HDAC9: variants seen among roughly 807,000 people sequenced by gnomAD.
The protein encoded by HDAC9 is histone deacetylase 9.
A neutral mutation model predicts 139.4 loss-of-function variants in HDAC9; 41 were observed. The ratio of observed to expected loss-of-function variants is 0.29; its 90% CI spans 0.23 to 0.38. HDAC9 has a LOEUF of 0.38. HDAC9 is among the 10% of genes least tolerant of loss of function. HDAC9 has a pLI of 1.00. For synonymous variants in HDAC9, 517 were observed against 476.2 expected (o/e 1.09, Z -1.12); for missense variants, 1,147 against 1,297.0 (o/e 0.88, Z 1.78).
intron 1 of HDAC9, among the ~76,000 whole-genome samples, chr7:18,411,271 G>A (rs1009653983): frequency 6.6e-6 from 1 of 152,140 alleles, no homozygotes; most frequent in African/African-American, 2.4e-5. Flanking sequence ...TGACTTTACG[G>A]TGGTACAAAA....
chr7:18,835,355 C>A, intron 19 of HDAC9, 112 bp from the exon 20 acceptor site: 1 of 1,177,130 alleles, frequency 8.5e-7, no homozygotes, highest in Non-Finnish European at 1.2e-6. Flanking sequence ...AGTGAGAAGA[C>A]AGAAAATGAG....
intron 2 of HDAC9, among the ~76,000 whole-genome samples, chr7:18,206,084 A>C (rs536891374): frequency 1.2e-4 from 18 of 152,256 alleles, no homozygotes; most frequent in African/African-American, 3.6e-4. Context: ...CCAATGAAAA[A>C]TTTGTGTGCC....
At chr7:18,645,491 T>G (rs997349403) in intron 9 of HDAC9, among the ~76,000 whole-genome samples, 4 of 152,166 alleles carry the variant, frequency 2.6e-5, no homozygotes, top group African/African-American at 9.6e-5. Context: ...CTGGACTCTT[T>G]GCCTTAAAAT....
intron 14 of HDAC9, among the ~76,000 whole-genome samples, chr7:18,755,302 C>G (rs975373773): frequency 6.6e-6 from 1 of 152,090 alleles, no homozygotes; most frequent in African/African-American, 2.4e-5. Flanking sequence ...TTAACAATGT[C>G]TGCTAAACAG....
At chr7:18,233,757 T>C (rs1793632229) in intron 2 of HDAC9, among the ~76,000 whole-genome samples, 2 of 152,268 alleles carry the variant, frequency 1.3e-5, no homozygotes, top group Non-Finnish European at 2.9e-5. Context: ...GATTTCAATT[T>C]GCATACCTGT....
At chr7:18,920,400 C>G (rs947343545) in intron 22 of HDAC9, among the ~76,000 whole-genome samples, 36 of 152,152 alleles carry the variant, frequency 2.4e-4, no homozygotes, top group African/African-American at 6.7e-4. Flanking sequence ...TGGGCTGAGA[C>G]AATGGGGTTT....
intron 2 of HDAC9, among the ~76,000 whole-genome samples, chr7:18,565,003 ATTT>A (rs1821841049): frequency 8.8e-5 from 11 of 124,500 alleles, no homozygotes; most frequent in Non-Finnish European, 1.7e-5. Context: ...TTATTTATTT[ATTT>A]ATTATTTTGA....
chr7:18,143,615 G>A (rs557868377), intron 1 of HDAC9, among the ~76,000 whole-genome samples: 2 of 152,060 alleles, frequency 1.3e-5, no homozygotes, highest in East Asian at 1.9e-4. Flanking sequence ...GTGAAACCTC[G>A]TATCTACTAA....
At chr7:18,634,825 C>T in intron 8 of HDAC9, 83 bp downstream of exon 8, 1 of 779,994 alleles carries the variant, frequency 1.3e-6, no homozygotes, top group South Asian at 1.7e-5. Context: ...CTGAGTTGAC[C>T]TTCAATATCC....
rs1430611211 is a variant in HDAC9, at chr7:18,865,563, A to T, written c.2685-8915A>T. Among the ~76,000 whole-genome samples the T allele has an allele frequency of 2.0e-5, 3 of 152,186 alleles. 1 individual carries two copies. The South Asian group carries it at 6.2e-4, about 31-fold the overall frequency. On this transcript the variant is annotated intron_variant, in intron 21 of 25. Coordinates refer to ENST00000686413, the MANE Select transcript of HDAC9 (RefSeq NM_178425.4). ...TGCTGACGCTTTTCCACAAATGCCC[A>T]TGGTAAACCTTCATTTAGTGCCCCC...
chr7:18,606,107 T>A (rs1286852058), intron 6 of HDAC9, among the ~76,000 whole-genome samples: 1 of 152,228 alleles, frequency 6.6e-6, no homozygotes, highest in East Asian at 1.9e-4. Context: ...TTCTGCTCAC[T>A]GTAAGCTGAA....
intron 2 of HDAC9, among the ~76,000 whole-genome samples, chr7:18,208,781 T>C (rs1791730542): frequency 6.6e-6 from 1 of 152,090 alleles, no homozygotes. Context: ...GCAAGCTAAA[T>C]AATGAAAATT....
intron 22 of HDAC9, among the ~76,000 whole-genome samples, chr7:18,924,312 T>A (rs10486323): frequency 0.12 from 18,029 of 152,128 alleles, 1,180 homozygotes; most frequent in South Asian, 0.27. Flanking sequence ...ATGGAATTCT[T>A]AATCTTTAAC....
chr7:18,125,645 T>C (rs1386328699), intron 1 of HDAC9, among the ~76,000 whole-genome samples: 2 of 152,128 alleles, frequency 1.3e-5, no homozygotes, highest in African/African-American at 4.8e-5. Context: ...ATACCATTCA[T>C]ATTTACTATC....
At chr7:18,673,241 G>A (rs1010988683) in intron 12 of HDAC9, among the ~76,000 whole-genome samples, 6 of 151,814 alleles carry the variant, frequency 4.0e-5, no homozygotes, top group Non-Finnish European at 7.4e-5. Context: ...ATCATGCCAC[G>A]GTGCTGTAGC....
chr7:18,191,115 A>G (rs1315947502), intron 2 of HDAC9, among the ~76,000 whole-genome samples: 2 of 152,140 alleles, frequency 1.3e-5, no homozygotes, highest in Non-Finnish European at 1.5e-5. Context: ...AACCATTAAT[A>G]CCCTACTGTT....
intron 21 of HDAC9, among the ~76,000 whole-genome samples, chr7:18,859,543 C>A (rs898642038): frequency 1.4e-5 from 2 of 146,044 alleles, no homozygotes; most frequent in Non-Finnish European, 3.0e-5. Flanking sequence ...CACATTGCTA[C>A]GCAATTAAAA....
At chr7:18,970,299 G>A (rs1010548094) in intron 24 of HDAC9, among the ~76,000 whole-genome samples, 5 of 152,002 alleles carry the variant, frequency 3.3e-5, no homozygotes, top group African/African-American at 1.2e-4. Flanking sequence ...TATTTTCTAA[G>A]GTTCAGATAA....
intron 14 of HDAC9, among the ~76,000 whole-genome samples, chr7:18,755,678 A>G (rs1259274014): frequency 6.6e-6 from 1 of 152,134 alleles, no homozygotes; most frequent in Non-Finnish European, 1.5e-5. Context: ...TGGTGAGGAC[A>G]GTGATTTGAA....
Sources: gnomAD v4.1 joint callset for allele counts (sites outside exome capture counted in the v4.1 genomes callset) on GRCh38, gnomAD v4.1.1 for gene constraint, MANE v1.5 for transcripts, NCBI Gene and HGNC (gene_info 2026-07-23, HGNC 2026-07-21) for gene names.